The following MYO1E variants were observed in gnomAD, a reference collection of about 807,000 sequenced individuals.
MYO1E encodes myosin IE, also known as unconventional myosin-Ie.
Under a neutral mutation model 151.1 loss-of-function variants are expected in MYO1E, and 68 were observed. That is an observed-to-expected ratio of 0.45 (90% CI 0.37 to 0.55). The LOEUF is 0.55. Among genes scored for constraint, MYO1E ranks in the 20% least tolerant of loss-of-function variants. The pLI is 0.00. For missense variants in MYO1E, 1,363 were observed against 1,389.3 expected (o/e 0.98, Z 0.30); for synonymous variants, 601 against 501.7 (o/e 1.20, Z -2.64).
At chr15:59,242,291 G>C (rs1353372469) in intron 4 of MYO1E, among the ~76,000 whole-genome samples, 1 of 152,218 alleles carries the variant, frequency 6.6e-6, no homozygotes, top group Non-Finnish European at 1.5e-5. Context: ...TGCCAGGGCT[G>C]GAGTGGGGAA....
chr15:59,212,078 A>T (rs1233635254), intron 12 of MYO1E, among the ~76,000 whole-genome samples: 2 of 152,038 alleles, frequency 1.3e-5, no homozygotes, highest in Non-Finnish European at 2.9e-5. Context: ...ATGCCCTGCA[A>T]GTTCCCATAC....
intron 19 of MYO1E, among the ~76,000 whole-genome samples, chr15:59,176,204 G>A (rs2079623849): frequency 6.6e-6 from 1 of 151,986 alleles, no homozygotes; most frequent in African/African-American, 2.4e-5. Context: ...GACTACAGGC[G>A]CCCGCCACCA....
chr15:59,269,584 G>A (rs910089708), intron 2 of MYO1E, among the ~76,000 whole-genome samples: 32 of 152,206 alleles, frequency 2.1e-4, no homozygotes, highest in African/African-American at 7.2e-4. Flanking sequence ...GCTGCTGGGC[G>A]CAGTGGCTCA....
At position 59,237,668 on chromosome 15, in the gene MYO1E, G is replaced by C. The variant is rs781593599; in HGVS notation, c.333-996C>G. Among the ~76,000 whole-genome samples the C allele has an allele frequency of 3.1e-3, 477 of 152,324 alleles. 8 individuals are homozygous for C. Among genetic ancestry groups the C allele is most frequent in the Non-Finnish European group, 3.3e-3 (225 of 68,030 alleles). Reference sequence around the variant, plus strand: ...TCGCGCTTCGCGATAAAAAATTTTAGGGCGCAGAGCAAATGTTCTTCTATG... The same window carrying C: ...TCGCGCTTCGCGATAAAAAATTTTACGGCGCAGAGCAAATGTTCTTCTATG... On this transcript the variant is annotated intron_variant, in intron 4 of 27. Coordinates refer to ENST00000288235, the MANE Select transcript of MYO1E (RefSeq NM_004998.4).
rs566398916 is a variant in MYO1E, at chr15:59,305,076, C to T, written c.4-32627G>A. ...AACACTGTGAACGAGTGGTGTATAGCGTCCACTGTCACCAGTTCCTGGAGG... is the reference window on the plus strand; with the variant it reads ...AACACTGTGAACGAGTGGTGTATAGTGTCCACTGTCACCAGTTCCTGGAGG... On this transcript the variant is annotated intron_variant, in intron 1 of 27. Transcript: ENST00000288235. Among the ~76,000 whole-genome samples, 26 of 152,328 alleles carry T rather than the reference C, an allele frequency of 1.7e-4. No homozygotes were observed. The East Asian group carries it at 4.4e-3, about 26-fold the overall frequency.
At chr15:59,351,844 A>AG (rs2080825268) in intron 1 of MYO1E, among the ~76,000 whole-genome samples, 1 of 152,190 alleles carries the variant, frequency 6.6e-6, no homozygotes. Context: ...ACCAGGTAGG[A>AG]GTAAAAGGTA....
intron 4 of MYO1E, among the ~76,000 whole-genome samples, chr15:59,252,365 T>G (rs1417813621): frequency 1.3e-5 from 2 of 152,052 alleles, no homozygotes; most frequent in African/African-American, 4.8e-5. Flanking sequence ...GGCAGATAAC[T>G]TGAGGTCAGG....
intron 1 of MYO1E, among the ~76,000 whole-genome samples, chr15:59,303,395 C>T (rs769143272): frequency 5.3e-5 from 8 of 151,956 alleles, no homozygotes; most frequent in Non-Finnish European, 7.4e-5. Flanking sequence ...GCCTGGGCAA[C>T]ACAGTGAGAC....
At position 59,227,502 on chromosome 15, in the gene MYO1E, A is replaced by G; in HGVS notation, c.599T>C (p.Val200Ala). 4.3e-6 allele frequency: 7 copies of G among 1,614,148 alleles called. No homozygotes were observed. Among genetic ancestry groups the G allele is most frequent in the Non-Finnish European group, 5.1e-6 (6 of 1,180,012 alleles). Residue 200 changes from valine to alanine, a missense_variant, in exon 7 of 28, where the codon GTG becomes GCG. Transcript: ENST00000288235. Reference sequence around the variant, plus strand: ...ACTCCGCTCTCCTGGGTTCCTCATCACCACCCTAGATTTTTCCAGAAGGAA... The same window carrying G: ...ACTCCGCTCTCCTGGGTTCCTCATCGCCACCCTAGATTTTTCCAGAAGGAA... ...SNFLLEKSRV[V>A]MRNPGERSFH...
chr15:59,237,647 G>A (rs527279445), intron 4 of MYO1E, among the ~76,000 whole-genome samples: 3 of 152,292 alleles, frequency 2.0e-5, no homozygotes, highest in African/African-American at 4.8e-5. Context: ...TTTTGTTCGC[G>A]CTTCGCGATA....
intron 14 of MYO1E, among the ~76,000 whole-genome samples, chr15:59,206,081 C>T (rs1273761333): frequency 1.3e-5 from 2 of 152,186 alleles, no homozygotes; most frequent in East Asian, 3.9e-4. Context: ...ACGACCTCAA[C>T]TTAACTTTTT....
chr15:59,158,641 C>T (rs971351902), intron 24 of MYO1E, among the ~76,000 whole-genome samples: 9 of 152,184 alleles, frequency 5.9e-5, no homozygotes, highest in Admixed American at 6.5e-5. Context: ...GATTGGTCAT[C>T]TTACAAAGGT....
chr15:59,202,442 G>A (rs1414818118), intron 15 of MYO1E, 35 bp from the exon 16 acceptor site: 2 of 1,579,488 alleles, frequency 1.3e-6, no homozygotes, highest in Admixed American at 1.7e-5. Flanking sequence ...TTAACAATCT[G>A]TAAGTACCTC....
chr15:59,142,122 T>C (rs2079413862), intron 26 of MYO1E, among the ~76,000 whole-genome samples: 1 of 152,010 alleles, frequency 6.6e-6, no homozygotes, highest in African/African-American at 2.4e-5. Context: ...AAAAAAAATT[T>C]TTTTTTTAAG....
chr15:59,261,126 T>C (rs2080222074), intron 3 of MYO1E, among the ~76,000 whole-genome samples: 1 of 151,936 alleles, frequency 6.6e-6, no homozygotes, highest in Non-Finnish European at 1.5e-5. Context: ...GGCAGGAGAA[T>C]TGTTTGAACC....
intron 13 of MYO1E, among the ~76,000 whole-genome samples, chr15:59,209,817 T>A (rs2079867208): frequency 1.1e-4 from 3 of 26,734 alleles, no homozygotes; most frequent in South Asian, 3.0e-3. Flanking sequence ...TGAATCACCT[T>A]TTTTTTTTTT....
At chr15:59,295,375 G>C (rs758848174) in intron 1 of MYO1E, among the ~76,000 whole-genome samples, 1 of 152,068 alleles carries the variant, frequency 6.6e-6, no homozygotes, top group Admixed American at 6.5e-5. Context: ...AGACCAACTG[G>C]ACTAGAAAGG....
Position 59,224,840 on chromosome 15 carries a change from C to T in MYO1E, c.643-17G>A. The T allele has an allele frequency of 6.2e-7, 1 of 1,614,128 alleles. No homozygotes were observed. The highest frequency in any genetic ancestry group is 8.5e-7 in the Non-Finnish European group (1 of 1,180,030). On this transcript the variant is annotated splice_polypyrimidine_tract_variant and intron_variant, in intron 7 of 27. Transcript: ENST00000288235. ...CTCGATGAGCTGGAGCAAGAGAACACAGGTTGAGCCATGATGTGGACCACA... is the reference window on the plus strand; with the variant it reads ...CTCGATGAGCTGGAGCAAGAGAACATAGGTTGAGCCATGATGTGGACCACA...
At position 59,179,083 on chromosome 15, in the gene MYO1E, G is replaced by A. The variant is rs531553344; in HGVS notation, c.1905-546C>T. Among the ~76,000 whole-genome samples the A allele has an allele frequency of 6.9e-4, 105 of 152,272 alleles. 2 individuals carry two copies. The highest frequency in any genetic ancestry group is 3.4e-3 in the Middle Eastern group (1 of 294). On this transcript the variant is annotated intron_variant, in intron 18 of 27. Coordinates refer to ENST00000288235, the MANE Select transcript of MYO1E (RefSeq NM_004998.4). ...CTCTTCATTCTCACTTTGGCTTGCT[G>A]CATTTCTTCGAGAATGGCCTCTTCT...
Sources: gnomAD v4.1 joint callset for allele counts (sites outside exome capture counted in the v4.1 genomes callset) on GRCh38, gnomAD v4.1.1 for gene constraint, MANE v1.5 for transcripts, NCBI Gene and HGNC (gene_info 2026-07-23, HGNC 2026-07-21) for gene names.